Variants in NTM observed in about 807,000 individuals in gnomAD.
The protein encoded by NTM is IgLON family member 2.
Under a neutral mutation model 42.1 loss-of-function variants are expected in NTM, and 13 were observed. That is an observed-to-expected ratio of 0.31 (90% CI 0.20 to 0.49). NTM has a LOEUF of 0.49. Among genes scored for constraint, NTM ranks in the 20% least tolerant of loss-of-function variants. The pLI is 0.99. For missense variants in NTM, 373 were observed against 452.8 expected (o/e 0.82, Z 1.60); for synonymous variants, 187 against 179.2 (o/e 1.04, Z -0.35).
rs148694607 is a variant in NTM, at chr11:132,331,725, G to C, written c.967+1540G>C. ...ACAGGGTGGTAAGTATTTTACTAGTGGGATGTGTATGGCACTGAGCAAGGC... is the reference window on the plus strand; with the variant it reads ...ACAGGGTGGTAAGTATTTTACTAGTCGGATGTGTATGGCACTGAGCAAGGC... On this transcript the variant is annotated intron_variant, in intron 8 of 8. Transcript: ENST00000683400. Among the ~76,000 whole-genome samples the C allele has an allele frequency of 1.2e-4, 18 of 152,314 alleles. No individual in the cohort carries two copies. In the East Asian group the frequency reaches 3.5e-3, roughly 29 times the overall value.
intron 1 of NTM, among the ~76,000 whole-genome samples, chr11:131,713,358 T>A (rs2135323284): frequency 6.6e-6 from 1 of 152,306 alleles, no homozygotes; most frequent in Non-Finnish European, 1.5e-5. Flanking sequence ...ATTTCCTTTT[T>A]GTCTTCTTCC....
intron 1 of NTM, among the ~76,000 whole-genome samples, chr11:131,400,276 A>T (rs185767253): frequency 6.6e-6 from 1 of 152,244 alleles, no homozygotes; most frequent in Non-Finnish European, 1.5e-5. Context: ...ATTGCAGCTC[A>T]GTGTCTGTTC....
chr11:131,562,435 G>A (rs2056355695), intron 1 of NTM, among the ~76,000 whole-genome samples: 1 of 152,152 alleles, frequency 6.6e-6, no homozygotes, highest in Non-Finnish European at 1.5e-5. Context: ...AGAGGGTGGG[G>A]AATTCGCTGA....
intron 1 of NTM, among the ~76,000 whole-genome samples, chr11:131,571,897 A>G (rs1204655769): frequency 1.3e-5 from 2 of 152,214 alleles, no homozygotes; most frequent in Admixed American, 1.3e-4. Flanking sequence ...GCACATATGA[A>G]AAAAAGTGAA....
At chr11:132,122,985 C>T (rs1313914702) in intron 2 of NTM, among the ~76,000 whole-genome samples, 4 of 152,176 alleles carry the variant, frequency 2.6e-5, no homozygotes, top group African/African-American at 7.2e-5. Context: ...TCTCCTTCCT[C>T]GCCACGTTGA....
intron 1 of NTM, among the ~76,000 whole-genome samples, chr11:131,476,935 T>C (rs1027575372): frequency 6.6e-6 from 1 of 152,156 alleles, no homozygotes; most frequent in African/African-American, 2.4e-5. Context: ...TCTTTCCTCT[T>C]TGGGCTATTC....
In NTM at chr11:131,658,863, C is replaced by T. The variant is rs190625855; in HGVS notation, c.83-252701C>T. ...GCAGGCACCTGTAATCCCAGCTTCT[C>T]GGGAGGCTGAGGCACGAGAATCGCT... On this transcript the variant is annotated intron_variant, in intron 1 of 8. Transcript: ENST00000683400. Among the ~76,000 whole-genome samples the T allele has an allele frequency of 2.1e-3, 320 of 152,120 alleles. 1 individual carries two copies. Among genetic ancestry groups the T allele is most frequent in the Admixed American group, 5.7e-3 (87 of 15,290 alleles).
At chr11:131,667,382 C>G (rs1950118546) in intron 1 of NTM, among the ~76,000 whole-genome samples, 1 of 152,278 alleles carries the variant, frequency 6.6e-6, no homozygotes, top group East Asian at 1.9e-4. Context: ...AACCGAAGAC[C>G]CTTCCTTGGG....
chr11:132,210,816 A>G (rs1428093233), intron 3 of NTM, among the ~76,000 whole-genome samples: 1 of 152,206 alleles, frequency 6.6e-6, no homozygotes, highest in African/African-American at 2.4e-5. Context: ...AAGCACATGG[A>G]GGAGCACAAC....
At chr11:131,811,388 G>A (rs981021798) in intron 1 of NTM, among the ~76,000 whole-genome samples, 2 of 152,206 alleles carry the variant, frequency 1.3e-5, no homozygotes, top group African/African-American at 4.8e-5. Flanking sequence ...GTACAAATCA[G>A]GATTTCAGTG....
At chr11:131,991,665 G>T (rs555836181) in intron 2 of NTM, among the ~76,000 whole-genome samples, 4 of 151,710 alleles carry the variant, frequency 2.6e-5, no homozygotes, top group African/African-American at 4.8e-5. Context: ...TGACTTTTCC[G>T]CACTTAAAGG....
intron 4 of NTM, among the ~76,000 whole-genome samples, chr11:132,217,980 C>A (rs939847084): frequency 2.6e-5 from 4 of 152,120 alleles, no homozygotes; most frequent in African/African-American, 9.7e-5. Context: ...CTAGAGGTAT[C>A]ACAGCTTGAG....
intron 1 of NTM, among the ~76,000 whole-genome samples, chr11:131,545,682 A>G (rs560770224): frequency 1.3e-5 from 2 of 152,276 alleles, no homozygotes; most frequent in South Asian, 2.1e-4. Flanking sequence ...GAAGGACACA[A>G]TGGGAGTTTT....
At chr11:131,479,758 G>C (rs922701129) in intron 1 of NTM, among the ~76,000 whole-genome samples, 1 of 152,182 alleles carries the variant, frequency 6.6e-6, no homozygotes, top group African/African-American at 2.4e-5. Flanking sequence ...TAAGGTCATT[G>C]GGAGGTAAAG....
chr11:131,621,806 A>C (rs1301284480), intron 1 of NTM, among the ~76,000 whole-genome samples: 1 of 144,440 alleles, frequency 6.9e-6, no homozygotes, highest in Non-Finnish European at 1.5e-5. Flanking sequence ...TGGGCAACAG[A>C]GCAAGACCTC....
chr11:132,047,182 T>C (rs1275965609), intron 2 of NTM, among the ~76,000 whole-genome samples: 1 of 152,240 alleles, frequency 6.6e-6, no homozygotes, highest in East Asian at 1.9e-4. Context: ...CTGACATAGG[T>C]ATCATTCATT....
At chr11:131,524,922 C>T (rs758554583) in intron 1 of NTM, among the ~76,000 whole-genome samples, 1 of 152,210 alleles carries the variant, frequency 6.6e-6, no homozygotes, top group Non-Finnish European at 1.5e-5. Flanking sequence ...TAGTTCTTGC[C>T]TAATGGCACT....
At chr11:132,009,504 A>G (rs897861674) in intron 2 of NTM, among the ~76,000 whole-genome samples, 1 of 152,190 alleles carries the variant, frequency 6.6e-6, no homozygotes, top group African/African-American at 2.4e-5. Context: ...TGGCACTGAC[A>G]CTGTGCCTGG....
chr11:132,037,703 A>G (rs2076676553), intron 2 of NTM, among the ~76,000 whole-genome samples: 1 of 152,214 alleles, frequency 6.6e-6, no homozygotes, highest in African/African-American at 2.4e-5. Context: ...GCTGTGAGTC[A>G]TTAACACGCT....
Sources: allele counts gnomAD v4.1 joint callset (sites outside exome capture counted in the v4.1 genomes callset), GRCh38; gene constraint gnomAD v4.1.1; transcripts MANE v1.5; gene names NCBI Gene and HGNC (gene_info 2026-07-23, HGNC 2026-07-21).